The following ZCWPW2 variants were observed in gnomAD, a reference collection of about 807,000 sequenced individuals.
ZCWPW2 encodes zinc finger CW-type PWWP domain protein 2.
A neutral mutation model predicts 46.6 loss-of-function variants in ZCWPW2; 45 were observed. The ratio of observed to expected loss-of-function variants is 0.96; its 90% confidence interval spans 0.76 to 1.24. The LOEUF (loss-of-function observed/expected upper bound fraction) is 1.24, where lower values mean the gene tolerates loss of function less well. Ranked by LOEUF, ZCWPW2 falls within the 50% of genes most tolerant of loss-of-function variation. The probability of loss-of-function intolerance (pLI) is 0.00; values close to 1 mark genes in which losing one functional copy is unlikely to be tolerated. For missense variants in ZCWPW2, 429 were observed against 403.9 expected (o/e 1.06, Z -0.53); for synonymous variants, 152 against 137.1 (o/e 1.11, Z -0.76).
At chr3:28,358,731 CA>C (rs1333465131) in intron 1 of ZCWPW2, among the ~76,000 whole-genome samples, 3 of 152,004 alleles carry the variant, frequency 2.0e-5, no homozygotes, top group Non-Finnish European at 4.4e-5. Context: ...GGTTTTTCTC[CA>C]TAGACCATCC....
intron 2 of ZCWPW2, among the ~76,000 whole-genome samples, chr3:28,400,202 G>A (rs1257737023): frequency 6.6e-6 from 1 of 151,954 alleles, no homozygotes; most frequent in Admixed American, 6.6e-5. Flanking sequence ...TTGAAGACAA[G>A]GTCTTTGGAT....
In ZCWPW2 at chr3:28,349,155, A is replaced by C. The variant is rs1704419431; in HGVS notation, c.-182A>C. On this transcript the variant is annotated 5_prime_UTR_variant, in exon 1 of 10. Coordinates refer to ENST00000383768, the MANE Select transcript of ZCWPW2 (RefSeq NM_001040432.4). ...ATGTCCCGTGAGCCTCCGCGGCGGG[A>C]CGGGGCGGGGCCGCGGGACGCCAGG... 5 of 985,442 alleles carry C rather than the reference A, an allele frequency of 5.1e-6. No individual in the cohort carries two copies. The highest frequency in any genetic ancestry group is 6.0e-6 in the Non-Finnish European group (5 of 830,092). The allele number at this position is 985,442 out of a possible 1,614,324, so 61.0% of individuals were successfully genotyped here.
At chr3:28,451,557 C>T (rs1015993447) in intron 4 of ZCWPW2, among the ~76,000 whole-genome samples, 3 of 152,150 alleles carry the variant, frequency 2.0e-5, no homozygotes, top group African/African-American at 7.2e-5. Context: ...TTACTTGCTG[C>T]TCAATGCTCC....
At position 28,387,873 on chromosome 3, in the gene ZCWPW2, G is replaced by T. The variant is rs901700595; in HGVS notation, c.-133-2625G>T. Among the ~76,000 whole-genome samples the T allele has an allele frequency of 6.6e-5, 10 of 152,166 alleles. 1 individual carries two copies. The highest frequency in any genetic ancestry group is 5.9e-4 in the Admixed American group (9 of 15,258). The stretch of plus-strand genomic sequence containing the variant: ...TAAAGAAGGAAGCTGCTAGATTTCA[G>T]TAAGAGAGTTTTATGGCATTTTCAC... On this transcript the variant is annotated intron_variant, in intron 1 of 9. Coordinates refer to ENST00000383768, the MANE Select transcript of ZCWPW2 (RefSeq NM_001040432.4).
intron 4 of ZCWPW2, among the ~76,000 whole-genome samples, chr3:28,455,738 G>A (rs1698398296): frequency 6.6e-6 from 1 of 152,134 alleles, no homozygotes; most frequent in African/African-American, 2.4e-5. Flanking sequence ...CTATTAAATA[G>A]GGAATCCTTT....
chr3:28,384,767 C>G (rs752055558), intron 1 of ZCWPW2, among the ~76,000 whole-genome samples: 2 of 152,018 alleles, frequency 1.3e-5, no homozygotes, highest in Non-Finnish European at 2.9e-5. Flanking sequence ...GCACCCATTT[C>G]CACGGCCGGC....
At position 28,419,941 on chromosome 3, in the gene ZCWPW2, G is replaced by A. The variant is rs1213081765; in HGVS notation, c.332+6541G>A. Among the ~76,000 whole-genome samples the A allele has an allele frequency of 5.4e-5, 6 of 110,398 alleles. No individual in the cohort carries two copies. In the Admixed American group the frequency reaches 6.0e-4, roughly 11 times the overall value. 72.4% of individuals were successfully genotyped at this position (110,398 alleles called of 152,430 possible). On this transcript the variant is annotated intron_variant, in intron 3 of 9. Transcript: ENST00000383768. ...GACTGTTGTGGGGTGGGGGGAGGGG[G>A]GAGGGATAGCATTCGGAGATATACC...
At chr3:28,468,661 G>C (rs1170048614) in intron 4 of ZCWPW2, among the ~76,000 whole-genome samples, 2 of 152,178 alleles carry the variant, frequency 1.3e-5, no homozygotes, top group African/African-American at 4.8e-5. Flanking sequence ...AGAGTGGCAT[G>C]ACATATTTGA....
intron 4 of ZCWPW2, among the ~76,000 whole-genome samples, chr3:28,443,996 A>G (rs1469607547): frequency 1.3e-5 from 2 of 152,078 alleles, no homozygotes; most frequent in Admixed American, 1.3e-4. Context: ...CCATCTTTTA[A>G]TCCATGTTTC....
intron 6 of ZCWPW2, chr3:28,511,107 G>C (rs1700413995): frequency 2.2e-6 from 1 of 453,608 alleles, no homozygotes; most frequent in Admixed American, 2.4e-5. Flanking sequence ...GATCAACACT[G>C]GAGAGAGAAG....
At chr3:28,412,954 T>A in intron 2 of ZCWPW2, 102 bp from the exon 3 acceptor site, 1 of 859,450 alleles carries the variant, frequency 1.2e-6, no homozygotes, top group Middle Eastern at 3.7e-4. Flanking sequence ...GGGGTGGGCA[T>A]AGAAGATATC....
At chr3:28,462,651 AC>A (rs1443437009) in intron 4 of ZCWPW2, among the ~76,000 whole-genome samples, 3 of 152,160 alleles carry the variant, frequency 2.0e-5, no homozygotes, top group African/African-American at 7.2e-5. Flanking sequence ...TCCTGCTACA[AC>A]CCCAGGTTAT....
At chr3:28,378,315 GA>G (rs1246821824) in intron 1 of ZCWPW2, among the ~76,000 whole-genome samples, 1 of 151,760 alleles carries the variant, frequency 6.6e-6, no homozygotes, top group African/African-American at 2.4e-5. Context: ...TTGAGCACTT[GA>G]AAAAAATCAT....
chr3:28,458,131 A>T (rs1698491619), intron 4 of ZCWPW2, among the ~76,000 whole-genome samples: 1 of 152,150 alleles, frequency 6.6e-6, no homozygotes. Flanking sequence ...GTGAAACAAT[A>T]TCGTTTTGTA....
intron 3 of ZCWPW2, among the ~76,000 whole-genome samples, chr3:28,414,778 G>A (rs1484007091): frequency 2.0e-5 from 1 of 48,872 alleles, no homozygotes; most frequent in Non-Finnish European, 4.0e-5. Context: ...CCCTACAAAG[G>A]ACATGAACTC....
At chr3:28,444,900 T>C (rs1175281099) in intron 4 of ZCWPW2, among the ~76,000 whole-genome samples, 1 of 152,130 alleles carries the variant, frequency 6.6e-6, no homozygotes, top group African/African-American at 2.4e-5. Flanking sequence ...GGGCAGTGAA[T>C]CAGGAGTGTC....
chr3:28,488,827 C>T (rs1372858878), intron 5 of ZCWPW2, among the ~76,000 whole-genome samples: 1 of 152,052 alleles, frequency 6.6e-6, no homozygotes, highest in Non-Finnish European at 1.5e-5. Flanking sequence ...GCAGAGATTT[C>T]TGAAGGAAGG....
In ZCWPW2 at chr3:28,420,584, GT is replaced by G. The variant is rs111363546; in HGVS notation, c.332+7194del. Among the ~76,000 whole-genome samples the G allele has an allele frequency of 2.9e-3, 407 of 138,910 alleles. 1 individual carries two copies. The highest frequency in any genetic ancestry group is 9.3e-3 in the African/African-American group (353 of 38,140). 91.1% of individuals were successfully genotyped at this position (138,910 alleles called of 152,430 possible). On this transcript the variant is annotated intron_variant, in intron 3 of 9. Coordinates refer to ENST00000383768, the MANE Select transcript of ZCWPW2 (RefSeq NM_001040432.4). Reference sequence around the variant, plus strand: ...TTAGTTTTTAATTATACTTTATGTTGTTTTTTTTTTCATTACTTGTATTACT... The same window carrying G: ...TTAGTTTTTAATTATACTTTATGTTGTTTTTTTTTCATTACTTGTATTACT...
chr3:28,433,092 T>TACACAC (rs71626517), intron 3 of ZCWPW2, among the ~76,000 whole-genome samples: 223 of 148,926 alleles, frequency 1.5e-3, no homozygotes, highest in African/African-American at 4.8e-3. Flanking sequence ...AGCATATTCT[T>TACACAC]ACACACACAC....
Sources: allele counts gnomAD v4.1 joint callset (sites outside exome capture counted in the v4.1 genomes callset), GRCh38; gene constraint gnomAD v4.1.1; transcripts MANE v1.5; gene names NCBI Gene and HGNC (gene_info 2026-07-23, HGNC 2026-07-21).